POLR3H: variants seen among roughly 807,000 people sequenced by gnomAD.
POLR3H encodes DNA-directed RNA polymerase III subunit RPC8.
A neutral mutation model predicts 25.5 loss-of-function variants in POLR3H; 17 were observed. The ratio of observed to expected loss-of-function variants is 0.67; its 90% CI spans 0.46 to 1.00. The LOEUF is 1.00. Ranked by LOEUF, POLR3H falls within the 50% of genes least tolerant of loss-of-function variation. The probability of loss-of-function intolerance (pLI) is 0.00; values close to 1 mark genes in which losing one functional copy is unlikely to be tolerated. For missense variants in POLR3H, 274 were observed against 265.0 expected, an observed-to-expected ratio of 1.03 and a Z score of -0.24; for synonymous variants, 129 against 103.0, an observed-to-expected ratio of 1.25 and a Z score of -1.53.
chr22:41,531,159 G>A (rs1422305810), intron 4 of POLR3H, among the ~76,000 whole-genome samples: 1 of 152,234 alleles, frequency 6.6e-6, no homozygotes, highest in Admixed American at 6.5e-5. Flanking sequence ...CACCAGAGCA[G>A]GAGGGGACGA....
chr22:41,530,345 C>T (rs1004402903), intron 5 of POLR3H, among the ~76,000 whole-genome samples: 7 of 150,984 alleles, frequency 4.6e-5, no homozygotes, highest in Non-Finnish European at 4.4e-5. Context: ...TGGCCTCACA[C>T]GATCCTCCCA....
chr22:41,532,468 C>G (rs1360436152), intron 3 of POLR3H, 191 bp downstream of exon 3: 3 of 1,046,578 alleles, frequency 2.9e-6, no homozygotes, highest in Non-Finnish European at 4.1e-6. Context: ...GTGACGGCCT[C>G]ACAGTGAAAC....
chr22:41,527,209 G>A lies in POLR3H; in HGVS notation c.*2074C>T. The A allele has an allele frequency of 2.5e-6, 4 of 1,603,114 alleles. No homozygotes were observed. The South Asian group carries it at 3.3e-5, about 13-fold the overall frequency. ...CAGGATGCCCAGGCGCCAGGTGGGTGAGGCCAGGCAGGTAGGGCCAGACAG... is the reference window on the plus strand; with the variant it reads ...CAGGATGCCCAGGCGCCAGGTGGGTAAGGCCAGGCAGGTAGGGCCAGACAG... On this transcript the variant is annotated 3_prime_UTR_variant, in exon 6 of 6. Coordinates refer to ENST00000355209, the MANE Select transcript of POLR3H (RefSeq NM_001018050.4).
rs908911590 is a variant in POLR3H, at chr22:41,527,076, C to T, written c.*2207G>A. Reference sequence around the variant, plus strand: ...TCTTCTTTGCCACTGCAAACAACCACGTGCCTCTGTCCCCTCGGGGCCTCG... The same window carrying T: ...TCTTCTTTGCCACTGCAAACAACCATGTGCCTCTGTCCCCTCGGGGCCTCG... On this transcript the variant is annotated 3_prime_UTR_variant, in exon 6 of 6. Coordinates refer to ENST00000355209, the MANE Select transcript of POLR3H (RefSeq NM_001018050.4). 26 of 656,710 alleles carry T rather than the reference C, an allele frequency of 4.0e-5. No individual in the cohort carries two copies. The highest frequency in any genetic ancestry group is 4.2e-4 in the Middle Eastern group (1 of 2,386). 40.7% of individuals were successfully genotyped at this position (656,710 alleles called of 1,614,324 possible). A position where few individuals can be genotyped will look rare whatever the true frequency, so the allele number is the denominator to read the frequency against.
chr22:41,537,126 G>A (rs956644608), intron 2 of POLR3H, among the ~76,000 whole-genome samples: 3 of 152,036 alleles, frequency 2.0e-5, no homozygotes, highest in African/African-American at 4.8e-5. Context: ...ACCAAATGTC[G>A]AGGGATAAAC....
rs2066626290 is a variant in POLR3H at position 41,527,497 on chromosome 22, G to T, written c.*1786C>A. The T allele has an allele frequency of 2.0e-6, 3 of 1,534,838 alleles. No individual in the cohort carries two copies. The highest frequency in any genetic ancestry group is 3.7e-5 in the Admixed American group (2 of 54,146). On this transcript the variant is annotated 3_prime_UTR_variant, in exon 6 of 6. Transcript: ENST00000355209. ...GGTCACTCTCCCTGCCCGTGGCTGA[G>T]TTGGGCCTGGTTCTAGGCTGTGTCC...
chr22:41,537,774 A>G (rs1203887474), intron 2 of POLR3H, among the ~76,000 whole-genome samples: 1 of 152,136 alleles, frequency 6.6e-6, no homozygotes, highest in Non-Finnish European at 1.5e-5. Context: ...AAAAGCCAGC[A>G]GTAGAAATCT....
rs1601932071 is a variant in POLR3H at position 41,525,966 on chromosome 22, A to G, written c.*3317T>C. On this transcript the variant is annotated 3_prime_UTR_variant, in exon 6 of 6. Transcript: ENST00000355209. ...GCATGAGGTCTGTGGCTGATCTTGC[A>G]GCTGAGGCCTGAAGGGTGAGCGAAC... 3.1e-6 allele frequency: 1 copy of G among 324,932 alleles called. No individual in the cohort carries two copies. Among genetic ancestry groups the G allele is most frequent in the East Asian group, 5.4e-5 (1 of 18,366 alleles). 20.1% of individuals were successfully genotyped at this position (324,932 alleles called of 1,614,324 possible).
At chr22:41,542,197 C>T (rs1312796930) in intron 1 of POLR3H, among the ~76,000 whole-genome samples, 2 of 152,100 alleles carry the variant, frequency 1.3e-5, no homozygotes. Context: ...GATTCTTCTC[C>T]CTCTGCCTCC....
intron 2 of POLR3H, among the ~76,000 whole-genome samples, chr22:41,535,261 A>G (rs2066822707): frequency 2.6e-5 from 4 of 152,182 alleles, no homozygotes; most frequent in Admixed American, 2.6e-4. Flanking sequence ...AAATGGTGAT[A>G]ATGTAATTAA....
At chr22:41,541,623 G>A (rs2066930709) in intron 1 of POLR3H, among the ~76,000 whole-genome samples, 1 of 152,212 alleles carries the variant, frequency 6.6e-6, no homozygotes, top group Admixed American at 6.5e-5. Context: ...ATGGATTTCT[G>A]TGTGGGCCCC....
At position 41,528,879 on chromosome 22, in the gene POLR3H, C is replaced by T. The variant is rs558513953; in HGVS notation, c.*404G>A. ...TATTTATTTTTGATGACAAGACTCCCATCTAAAGTTTTTCTCCTGCCTGAT... is the reference window on the plus strand; with the variant it reads ...TATTTATTTTTGATGACAAGACTCCTATCTAAAGTTTTTCTCCTGCCTGAT... On this transcript the variant is annotated 3_prime_UTR_variant, in exon 6 of 6. Coordinates refer to ENST00000355209, the MANE Select transcript of POLR3H (RefSeq NM_001018050.4). The T allele has an allele frequency of 1.1e-5, 6 of 525,842 alleles. No homozygotes were observed. In the East Asian group the frequency reaches 2.0e-4, roughly 17 times the overall value. The allele number at this position is 525,842 out of a possible 1,614,324, so 32.6% of individuals were successfully genotyped here.
rs2066610607 is a variant in POLR3H, at chr22:41,526,913, G to A, written c.*2370C>T. 5.8e-6 allele frequency: 2 copies of A among 346,788 alleles called. No individual in the cohort carries two copies. The highest frequency in any genetic ancestry group is 1.1e-5 in the Non-Finnish European group (2 of 187,792). 21.5% of individuals were successfully genotyped at this position (346,788 alleles called of 1,614,324 possible). A position where few individuals can be genotyped will look rare whatever the true frequency, so the allele number is the denominator to read the frequency against. ...TCTGGCACCCCCTGGTGGCTGGGTG[G>A]GGCAGAGGGTGCTCCCAGGAAGGGG... On this transcript the variant is annotated 3_prime_UTR_variant, in exon 6 of 6. Coordinates refer to ENST00000355209, the MANE Select transcript of POLR3H (RefSeq NM_001018050.4).
Position 41,527,665 on chromosome 22 carries a change from G to A in POLR3H, c.*1618C>T. The A allele has an allele frequency of 3.8e-6, 3 of 788,004 alleles. No individual in the cohort carries two copies. The highest frequency in any genetic ancestry group is 5.9e-6 in the Non-Finnish European group (3 of 507,732). The allele number at this position is 788,004 out of a possible 1,614,324, so 48.8% of individuals were successfully genotyped here. A position where few individuals can be genotyped will look rare whatever the true frequency, so the allele number is the denominator to read the frequency against. ...GCTGAGATCTAGGACATGTGCCAGG[G>A]GGTTCTTTCTGATCATGAATGTGCA... On this transcript the variant is annotated 3_prime_UTR_variant, in exon 6 of 6. Transcript: ENST00000355209.
In POLR3H at chr22:41,529,259, A is replaced by G; in HGVS notation, c.*24T>C. On this transcript the variant is annotated 3_prime_UTR_variant, in exon 6 of 6. Coordinates refer to ENST00000355209, the MANE Select transcript of POLR3H (RefSeq NM_001018050.4). ...CCATACCACCTTCCCGCAGGCTGGT[A>G]GGGTCCACTGTCCAGCCCCAGGGCT... The G allele has an allele frequency of 6.2e-7, 1 of 1,605,374 alleles. No individual in the cohort carries two copies. The highest frequency in any genetic ancestry group is 2.2e-5 in the East Asian group (1 of 44,788).
In POLR3H at chr22:41,528,798, G is replaced by A; in HGVS notation, c.*485C>T. The A allele has an allele frequency of 2.6e-6, 2 of 778,548 alleles. No homozygotes were observed. Among genetic ancestry groups the A allele is most frequent in the South Asian group, 1.9e-5 (1 of 51,798 alleles). The allele number at this position is 778,548 out of a possible 1,614,324, so 48.2% of individuals were successfully genotyped here. A position where few individuals can be genotyped will look rare whatever the true frequency, so the allele number is the denominator to read the frequency against. ...GGGGGGTTCTTAAAATAACTTTTTA[G>A]CCCCCGTCTTCCTATTTTGAGTTTG... On this transcript the variant is annotated 3_prime_UTR_variant, in exon 6 of 6. Coordinates refer to ENST00000355209, the MANE Select transcript of POLR3H (RefSeq NM_001018050.4).
At chr22:41,530,345 C>G (rs1004402903) in intron 5 of POLR3H, among the ~76,000 whole-genome samples, 2 of 150,984 alleles carry the variant, frequency 1.3e-5, no homozygotes, top group Non-Finnish European at 3.0e-5. Flanking sequence ...TGGCCTCACA[C>G]GATCCTCCCA....
chr22:41,533,452 G>GGCTCAGAGCCAGGGTGACCC, intron 2 of POLR3H: 1 of 1,112,720 alleles, frequency 9.0e-7, no homozygotes, highest in Non-Finnish European at 1.1e-6. Flanking sequence ...ATAAGGCAGT[G>GGCTCAGAGCCAGGGTGACCC]GCTCAGAGCC....
Position 41,532,683 on chromosome 22 carries a change from C to T in POLR3H, c.271G>A (p.Gly91Ser). The T allele has an allele frequency of 1.2e-6, 2 of 1,614,120 alleles. No homozygotes were observed. The change falls in exon 3 of 6, where the codon GGC (glycine) becomes AGC (serine). Residue 91 changes from glycine (G) to serine (S), a missense_variant. Transcript: ENST00000355209. ...LDEILIGKIK[G>S]CSPEGVHVSL... ...CCGTGCACTCCTTCTGGGCTGCAGC[C>T]TTTGATCTTCCCAATGAGAATCTCA...
Sources: allele counts gnomAD v4.1 joint callset (sites outside exome capture counted in the v4.1 genomes callset), GRCh38; gene constraint gnomAD v4.1.1; transcripts MANE v1.5; gene names NCBI Gene and HGNC (gene_info 2026-07-23, HGNC 2026-07-21).